FAF2: variants seen among roughly 807,000 people sequenced by gnomAD.
FAF2 encodes FAS-associated factor 2.
A neutral mutation model predicts 62.3 loss-of-function variants in FAF2; 9 were observed. The ratio of observed to expected loss-of-function variants is 0.14; its 90% confidence interval spans 0.09 to 0.25. The LOEUF is 0.25. FAF2 is among the 10% of genes least tolerant of loss of function. The pLI is 1.00. For synonymous variants in FAF2, 202 were observed against 198.0 expected (o/e 1.02, Z -0.17); for missense variants, 368 against 556.2 (o/e 0.66, Z 3.40).
intron 2 of FAF2, among the ~76,000 whole-genome samples, chr5:176,479,683 C>T (rs1758758366): frequency 1.3e-5 from 2 of 152,010 alleles, no homozygotes; most frequent in Non-Finnish European, 2.9e-5. Context: ...AGCATTTTGT[C>T]CTCACTATAA....
Position 176,488,939 on chromosome 5 carries a change from T to C in FAF2, c.268-12T>C. 3.1e-6 allele frequency: 5 copies of C among 1,612,446 alleles called. No homozygotes were observed. The highest frequency in any genetic ancestry group is 4.2e-6 in the Non-Finnish European group (5 of 1,178,834). Reference sequence around the variant, plus strand: ...GAGAGAATTGTCTCTAACTTTGTTTTTGGACTTTCAGGGGCTGCTTGGATG... The same window carrying C: ...GAGAGAATTGTCTCTAACTTTGTTTCTGGACTTTCAGGGGCTGCTTGGATG... On this transcript the variant is annotated splice_polypyrimidine_tract_variant and intron_variant, in intron 3 of 10. Coordinates refer to ENST00000261942, the MANE Select transcript of FAF2 (RefSeq NM_014613.3).
At chr5:176,463,559 A>T (rs1758416080) in intron 1 of FAF2, among the ~76,000 whole-genome samples, 1 of 151,910 alleles carries the variant, frequency 6.6e-6, no homozygotes, top group Non-Finnish European at 1.5e-5. Context: ...GGAAGACCTC[A>T]TGTTTCTCAA....
intron 1 of FAF2, among the ~76,000 whole-genome samples, chr5:176,464,487 CTTTTTTTTTT>C (rs142550204): frequency 2.5e-5 from 2 of 80,000 alleles, no homozygotes; most frequent in Admixed American, 1.5e-4. Context: ...CAAGCTGATT[CTTTTTTTTTT>C]TTTTTTTTTT....
chr5:176,499,647 G>A (rs548752372), intron 9 of FAF2, among the ~76,000 whole-genome samples: 24 of 150,632 alleles, frequency 1.6e-4, no homozygotes, highest in African/African-American at 5.1e-4. Flanking sequence ...GGGTCTCACT[G>A]TGTTGCCCAG....
intron 1 of FAF2, among the ~76,000 whole-genome samples, chr5:176,451,905 T>A (rs1223631559): frequency 1.5e-4 from 11 of 74,236 alleles, no homozygotes; most frequent in South Asian, 4.3e-4. Context: ...TTTTTTTTTT[T>A]TTTTTTTTTT....
In FAF2 at chr5:176,504,451, G is replaced by T. The variant is rs538708805; in HGVS notation, c.1156-2317G>T. 3.9e-5 allele frequency among the ~76,000 whole-genome samples: 6 copies of T among 152,242 alleles called. No individual in the cohort carries two copies. In the East Asian group the frequency reaches 9.7e-4, roughly 25 times the overall value. On this transcript the variant is annotated intron_variant, in intron 10 of 10. Coordinates refer to ENST00000261942, the MANE Select transcript of FAF2 (RefSeq NM_014613.3). ...ACACAAAAATTAGCTGGGCATGGTG[G>T]TGCGCGCCTGTAGTCACTGCTGCTT...
chr5:176,492,393 G>A, intron 5 of FAF2, 61 bp downstream of exon 5: 1 of 1,488,686 alleles, frequency 6.7e-7, no homozygotes, highest in Admixed American at 2.4e-5. Flanking sequence ...TCAAAGGAGA[G>A]CACAGCCCAG....
At chr5:176,468,450 C>G (rs1423147576) in intron 1 of FAF2, among the ~76,000 whole-genome samples, 1 of 151,264 alleles carries the variant, frequency 6.6e-6, no homozygotes, top group African/African-American at 2.4e-5. Context: ...CGGGCGTGGT[C>G]GTGGGCGCCT....
chr5:176,500,526 C>T (rs1331713576), intron 10 of FAF2, among the ~76,000 whole-genome samples: 1 of 152,188 alleles, frequency 6.6e-6, no homozygotes, highest in Non-Finnish European at 1.5e-5. Context: ...GTAGGAAAAG[C>T]TCTGTCTCCA....
chr5:176,461,065 T>G (rs1435625081), intron 1 of FAF2, among the ~76,000 whole-genome samples: 6 of 151,224 alleles, frequency 4.0e-5, no homozygotes, highest in Non-Finnish European at 8.8e-5. Flanking sequence ...TAGGCTGGAG[T>G]GCAGTAGTGC....
Position 176,486,336 on chromosome 5 carries a change from A to C in FAF2, c.133-19A>C. 1 of 1,609,712 alleles carries C rather than the reference A, an allele frequency of 6.2e-7. No individual in the cohort carries two copies. The highest frequency in any genetic ancestry group is 8.5e-7 in the Non-Finnish European group (1 of 1,178,692). On this transcript the variant is annotated intron_variant, in intron 2 of 10. Transcript: ENST00000261942. ...TTTGAGCATCGCTGAAACTCTTGCC[A>C]CTCCGTTTTCCTTCTCAGGCTGCTG...
chr5:176,474,381 A>G (rs1171443060), intron 1 of FAF2, among the ~76,000 whole-genome samples: 3 of 152,210 alleles, frequency 2.0e-5, no homozygotes, highest in African/African-American at 7.2e-5. Context: ...CAAGTAGAGA[A>G]CAGTGCTTAA....
intron 1 of FAF2, 21 bp downstream of exon 1, chr5:176,448,491 C>A: frequency 1.9e-6 from 3 of 1,580,668 alleles, no homozygotes; most frequent in Non-Finnish European, 2.6e-6. Context: ...GTACTCGGTG[C>A]AGCAGATGCC....
chr5:176,498,969 G>T lies in FAF2; in HGVS notation c.895G>T (p.Ala299Ser). 1 of 1,612,972 alleles carries T rather than the reference G, an allele frequency of 6.2e-7. No individual in the cohort carries two copies. The highest frequency in any genetic ancestry group is 8.5e-7 in the Non-Finnish European group (1 of 1,179,244). ...ACAACAGCAGGATGAGGCCTACCTG[G>T]CCTCTCTCAGAGCTGACCAGGAGAA... is the stretch of plus-strand genomic sequence containing the variant. ...LRQQQDEAYLASLRADQEKER... is the reference protein window; with the variant it reads ...LRQQQDEAYLSSLRADQEKER... The change falls in exon 9 of 11, where the codon GCC (alanine) becomes TCC (serine). Residue 299 changes from alanine to serine, a missense_variant. Transcript: ENST00000261942.
At chr5:176,470,761 A>G (rs943409992) in intron 1 of FAF2, among the ~76,000 whole-genome samples, 6 of 152,226 alleles carry the variant, frequency 3.9e-5, no homozygotes, top group African/African-American at 1.2e-4. Flanking sequence ...GGCTTTTTTA[A>G]GAGATCACTG....
At chr5:176,468,095 G>C (rs1758503688) in intron 1 of FAF2, among the ~76,000 whole-genome samples, 1 of 152,168 alleles carries the variant, frequency 6.6e-6, no homozygotes, top group Non-Finnish European at 1.5e-5. Flanking sequence ...AACCCTGGAA[G>C]CGGAGATTGT....
Position 176,494,684 on chromosome 5 carries a change from A to G in FAF2, c.661+409A>G, listed in dbSNP as rs1413250236. ...ATTGTCCTGCCTCAGCCTCCTGAGT[A>G]GCTGGAACTACAGGCATGCACCACC... On this transcript the variant is annotated intron_variant, in intron 7 of 10. Transcript: ENST00000261942. This position sits in a 1 kb window ranked among gnomAD's most constrained non-coding sequence, Gnocchi z 4.0. Among the ~76,000 whole-genome samples, 1 of 152,070 alleles carries G rather than the reference A, an allele frequency of 6.6e-6. No homozygotes were observed. Among genetic ancestry groups the G allele is most frequent in the Non-Finnish European group, 1.5e-5 (1 of 68,014 alleles).
Position 176,500,228 on chromosome 5 carries a change from G to A in FAF2, c.1155+82G>A, listed in dbSNP as rs921062203. On this transcript the variant is annotated intron_variant, in intron 10 of 10. Transcript: ENST00000261942. ...GCTTTTACTGACTCTTGAGAGTGGT[G>A]TTGGTGTATCTGCTGCTCTGATGAA... The A allele has an allele frequency of 1.3e-5, 18 of 1,367,092 alleles. No individual in the cohort carries two copies. The African/African-American group carries it at 1.9e-4, about 14-fold the overall frequency. The allele number at this position is 1,367,092 out of a possible 1,614,324, so 84.7% of individuals were successfully genotyped here.
intron 1 of FAF2, among the ~76,000 whole-genome samples, chr5:176,476,340 G>C (rs973647438): frequency 6.6e-6 from 1 of 152,140 alleles, no homozygotes; most frequent in African/African-American, 2.4e-5. Context: ...GAGGATTTCA[G>C]CTTATAGCTA....
Sources: gnomAD v4.1 joint callset for allele counts (sites outside exome capture counted in the v4.1 genomes callset) on GRCh38, gnomAD v4.1.1 for gene constraint, Gnocchi (gnomAD v3.1) non-coding constraint, MANE v1.5 for transcripts, NCBI Gene and HGNC (gene_info 2026-07-23, HGNC 2026-07-21) for gene names.